CMIP: variants seen among roughly 807,000 people sequenced by gnomAD.
The protein encoded by CMIP is C-Maf-inducing protein.
Under a neutral mutation model 97.3 loss-of-function variants are expected in CMIP, and 13 were observed. That is an observed-to-expected ratio of 0.13 (90% CI 0.09 to 0.21). The LOEUF is 0.21. CMIP is among the 10% of genes least tolerant of loss of function. The pLI, the probability that CMIP is intolerant of heterozygous loss-of-function variation, is 1.00. For missense variants in CMIP, 847 were observed against 1,024.9 expected, an observed-to-expected ratio of 0.83 and a Z score of 2.37; for synonymous variants, 538 against 436.3, an observed-to-expected ratio of 1.23 and a Z score of -2.91.
At chr16:81,645,975 T>A (rs2092360215) in intron 3 of CMIP, among the ~76,000 whole-genome samples, 1 of 152,162 alleles carries the variant, frequency 6.6e-6, no homozygotes, top group African/African-American at 2.4e-5. Context: ...TTCACCATGG[T>A]TATCCTTAGT....
At chr16:81,607,536 C>A (rs765595884) in intron 1 of CMIP, 31 bp from the exon 2 acceptor site, 8 of 1,611,268 alleles carry the variant, frequency 5.0e-6, no homozygotes, top group South Asian at 1.1e-5. Flanking sequence ...GTAACCAATG[C>A]ATATCTCTTC....
intron 1 of CMIP, among the ~76,000 whole-genome samples, chr16:81,570,752 C>G (rs895109492): frequency 1.3e-5 from 2 of 152,164 alleles, no homozygotes; most frequent in Non-Finnish European, 2.9e-5. Context: ...CTAGCGATCC[C>G]TGGTTCCAGG....
chr16:81,564,524 A>G (rs1212520619), intron 1 of CMIP, among the ~76,000 whole-genome samples: 1 of 152,178 alleles, frequency 6.6e-6, no homozygotes, highest in African/African-American at 2.4e-5. Flanking sequence ...GAAGAAGGAA[A>G]ATAAGAGAAT....
intron 1 of CMIP, among the ~76,000 whole-genome samples, chr16:81,451,371 C>A (rs549033103): frequency 7.9e-5 from 12 of 152,340 alleles, no homozygotes; most frequent in Admixed American, 6.5e-4. Context: ...AAGTTCCCCC[C>A]AGCCACGTGG....
At chr16:81,571,937 A>G (rs2091097964) in intron 1 of CMIP, among the ~76,000 whole-genome samples, 1 of 151,972 alleles carries the variant, frequency 6.6e-6, no homozygotes, top group Non-Finnish European at 1.5e-5. Flanking sequence ...CTCTGCCCCC[A>G]CCCAGCTGCC....
At chr16:81,626,455 G>T (rs1439416020) in intron 3 of CMIP, among the ~76,000 whole-genome samples, 1 of 64,962 alleles carries the variant, frequency 1.5e-5, no homozygotes, top group Admixed American at 1.9e-4. Flanking sequence ...TTATGAGTGT[G>T]TGTGTGTATG....
At chr16:81,476,563 T>C (rs1057274320) in intron 1 of CMIP, 16 of 561,364 alleles carry the variant, frequency 2.9e-5, no homozygotes, top group Non-Finnish European at 1.7e-5. Context: ...GTCTGCAGAG[T>C]GGCCATGTTT....
intron 3 of CMIP, among the ~76,000 whole-genome samples, chr16:81,628,081 C>G (rs933178141): frequency 6.6e-6 from 1 of 152,142 alleles, no homozygotes; most frequent in South Asian, 2.1e-4. Context: ...CCTCCCCTGA[C>G]CCCTCACTGA....
intron 3 of CMIP, chr16:81,632,069 A>G (rs2092169210): frequency 1.3e-5 from 2 of 152,220 alleles, no homozygotes; most frequent in Non-Finnish European, 2.9e-5. Context: ...TACATGTGAC[A>G]AAATGTGCAT....
At chr16:81,699,541 G>A (rs531950066) in intron 14 of CMIP, 144 bp from the exon 15 acceptor site, 15 of 602,860 alleles carry the variant, frequency 2.5e-5, no homozygotes, top group Non-Finnish European at 4.3e-5. Context: ...ATCCCCCTGG[G>A]GCCTGGTGAT....
chr16:81,698,771 T>A (rs1907055204), intron 14 of CMIP, among the ~76,000 whole-genome samples: 1 of 152,148 alleles, frequency 6.6e-6, no homozygotes, highest in Admixed American at 6.5e-5. Context: ...TCCCCCTTCC[T>A]CCCGGCCTCA....
At chr16:81,582,862 G>T (rs1465976609) in intron 1 of CMIP, among the ~76,000 whole-genome samples, 1 of 152,132 alleles carries the variant, frequency 6.6e-6, no homozygotes, top group Non-Finnish European at 1.5e-5. Flanking sequence ...ATGACAGAAA[G>T]AAAATGAAGA....
intron 1 of CMIP, among the ~76,000 whole-genome samples, chr16:81,471,306 G>C (rs993339204): frequency 1.3e-5 from 2 of 151,886 alleles, no homozygotes; most frequent in African/African-American, 4.8e-5. Flanking sequence ...GCATATAAAT[G>C]TACCCACACG....
intron 1 of CMIP, among the ~76,000 whole-genome samples, chr16:81,542,840 A>G (rs897915201): frequency 2.0e-5 from 3 of 152,204 alleles, no homozygotes; most frequent in Non-Finnish European, 4.4e-5. Context: ...ATCACATTGC[A>G]GGGTCGGGGG....
At chr16:81,476,520 G>A in intron 1 of CMIP, 2 of 670,546 alleles carry the variant, frequency 3.0e-6, no homozygotes, top group East Asian at 3.2e-5. Context: ...GGTTGACCAT[G>A]GCTGATAGAA....
intron 10 of CMIP, among the ~76,000 whole-genome samples, chr16:81,691,142 C>G (rs1906016445): frequency 6.6e-6 from 1 of 152,182 alleles, no homozygotes; most frequent in African/African-American, 2.4e-5. Flanking sequence ...AAAGTACCAT[C>G]AACCTCATAG....
intron 2 of CMIP, chr16:81,610,371 C>T (rs1410681371): frequency 1.0e-6 from 1 of 985,530 alleles, no homozygotes; most frequent in Non-Finnish European, 1.2e-6. Context: ...TTGCTCACTG[C>T]CCCCTGATCC....
intron 3 of CMIP, chr16:81,651,071 G>C (rs1006321517): frequency 6.6e-6 from 1 of 152,256 alleles, no homozygotes; most frequent in Non-Finnish European, 1.5e-5. Context: ...AGTTCAGCAA[G>C]GGACCCTCCT....
chr16:81,670,367 C>A, intron 8 of CMIP, 122 bp downstream of exon 8: 2 of 1,048,228 alleles, frequency 1.9e-6, no homozygotes, highest in Admixed American at 2.2e-5. Context: ...TATGAGGAAG[C>A]CCCTAGCCTA....
Sources: gnomAD v4.1 joint callset for allele counts (sites outside exome capture counted in the v4.1 genomes callset) on GRCh38, gnomAD v4.1.1 for gene constraint, MANE v1.5 for transcripts, NCBI Gene and HGNC (gene_info 2026-07-23, HGNC 2026-07-21) for gene names.